Variants in TMEM108 observed in about 807,000 individuals in gnomAD.
The protein encoded by TMEM108 is transmembrane protein 108.
TMEM108 carries 12 observed loss-of-function variants against 35.1 expected under a neutral mutation model. That is an observed-to-expected ratio of 0.34 (90% CI 0.22 to 0.55). TMEM108 has a LOEUF of 0.55. Among genes scored for constraint, TMEM108 ranks in the 20% least tolerant of loss-of-function variants. TMEM108 has a pLI of 0.89. For synonymous variants in TMEM108, 287 were observed against 308.6 expected, an observed-to-expected ratio of 0.93 and a Z score of 0.73; for missense variants, 680 against 753.3, an observed-to-expected ratio of 0.90 and a Z score of 1.14.
intron 3 of TMEM108, chr3:133,378,310 G>C: frequency 1.0e-6 from 1 of 982,580 alleles, no homozygotes; most frequent in Non-Finnish European, 1.2e-6. Flanking sequence ...GGCATGCCTG[G>C]AGATCTCCTC....
chr3:133,378,594 C>T, intron 3 of TMEM108: 1 of 968,042 alleles, frequency 1.0e-6, no homozygotes, highest in Non-Finnish European at 1.2e-6. Context: ...GGCCCTTCCT[C>T]AGCCGTAGAG....
At chr3:133,309,325 T>C (rs2071089800) in intron 3 of TMEM108, among the ~76,000 whole-genome samples, 1 of 152,178 alleles carries the variant, frequency 6.6e-6, no homozygotes, top group African/African-American at 2.4e-5. Flanking sequence ...CCTGGATTCT[T>C]TGATTTTTTG....
intron 2 of TMEM108, among the ~76,000 whole-genome samples, chr3:133,106,816 A>G (rs1222283229): frequency 2.0e-5 from 3 of 152,332 alleles, no homozygotes; most frequent in Non-Finnish European, 4.4e-5. Flanking sequence ...GTCCGAGGCA[A>G]CAACATGACT....
chr3:133,382,315 C>T (rs1278727700), intron 4 of TMEM108, among the ~76,000 whole-genome samples: 3 of 152,214 alleles, frequency 2.0e-5, no homozygotes, highest in Non-Finnish European at 2.9e-5. Flanking sequence ...ACTCTATGGC[C>T]CTAAGCTGTG....
At chr3:133,270,815 A>ACACT (rs1946760402) in intron 3 of TMEM108, among the ~76,000 whole-genome samples, 1 of 150,598 alleles carries the variant, frequency 6.6e-6, no homozygotes, top group Non-Finnish European at 1.5e-5. Context: ...ACACACACAC[A>ACACT]CACACTCACA....
intron 3 of TMEM108, among the ~76,000 whole-genome samples, chr3:133,282,874 C>T (rs1052481890): frequency 6.6e-6 from 1 of 152,112 alleles, no homozygotes; most frequent in African/African-American, 2.4e-5. Flanking sequence ...TACTAAGGAG[C>T]AGTTAAAAAG....
At chr3:133,368,631 TCACACA>T (rs147366132) in intron 3 of TMEM108, among the ~76,000 whole-genome samples, 3 of 150,700 alleles carry the variant, frequency 2.0e-5, no homozygotes, top group Non-Finnish European at 3.0e-5. Context: ...ATACATGCAC[TCACACA>T]CACACACACA....
intron 3 of TMEM108, among the ~76,000 whole-genome samples, chr3:133,248,955 CTGCTACCTT>C (rs2107666455): frequency 6.6e-6 from 1 of 152,272 alleles, no homozygotes; most frequent in South Asian, 2.1e-4. Flanking sequence ...TGATTAAAAG[CTGCTACCTT>C]TGCGTGGTCA....
Position 133,390,346 on chromosome 3 carries a change from G to C in TMEM108, c.1605+12G>C. The C allele has an allele frequency of 1.2e-6, 2 of 1,613,610 alleles. No individual in the cohort carries two copies. The highest frequency in any genetic ancestry group is 1.7e-6 in the Non-Finnish European group (2 of 1,179,918). The stretch of plus-strand genomic sequence containing the variant: ...TTGAAACCTCTGAGGTAATGAGCTT[G>C]AAAGTGCTGGCCCCACTGCAGGGAA... On this transcript the variant is annotated intron_variant, in intron 5 of 5. Transcript: ENST00000321871.
At chr3:133,343,840 A>C (rs1296448623) in intron 3 of TMEM108, among the ~76,000 whole-genome samples, 1 of 151,944 alleles carries the variant, frequency 6.6e-6, no homozygotes, top group Admixed American at 6.6e-5. Flanking sequence ...ATGAAAAAAA[A>C]TCAACTAGAT....
At chr3:133,053,459 C>T (rs578114655) in intron 2 of TMEM108, among the ~76,000 whole-genome samples, 2 of 152,268 alleles carry the variant, frequency 1.3e-5, no homozygotes, top group African/African-American at 4.8e-5. Flanking sequence ...GAGAATTGTT[C>T]TACAATTAGC....
chr3:133,125,985 C>T lies in TMEM108; in HGVS notation c.-47+79965C>T, dbSNP rs73860841. ...ATGTCATTTTTACTTTACAGTTGACCGTATGCTGGCTGACTGACATCAATT... is the reference window on the plus strand; with the variant it reads ...ATGTCATTTTTACTTTACAGTTGACTGTATGCTGGCTGACTGACATCAATT... On this transcript the variant is annotated intron_variant, in intron 2 of 5. Coordinates refer to ENST00000321871, the MANE Select transcript of TMEM108 (RefSeq NM_023943.4). Among the ~76,000 whole-genome samples, 573 of 152,148 alleles carry T rather than the reference C, an allele frequency of 3.8e-3. 3 individuals are homozygous for T. The highest frequency in any genetic ancestry group is 0.013 in the African/African-American group (552 of 41,524).
At chr3:133,304,597 T>C (rs1947275815) in intron 3 of TMEM108, among the ~76,000 whole-genome samples, 1 of 152,172 alleles carries the variant, frequency 6.6e-6, no homozygotes, top group African/African-American at 2.4e-5. Flanking sequence ...AATTATACAT[T>C]CTGTATAGTC....
intron 3 of TMEM108, among the ~76,000 whole-genome samples, chr3:133,302,885 A>C (rs1947249896): frequency 6.6e-6 from 1 of 152,176 alleles, no homozygotes; most frequent in South Asian, 2.1e-4. Flanking sequence ...TAAGAAGAGT[A>C]GTTGAAGCCT....
chr3:133,233,620 C>T (rs1946188928), intron 3 of TMEM108, among the ~76,000 whole-genome samples: 1 of 148,360 alleles, frequency 6.7e-6, no homozygotes, highest in South Asian at 2.2e-4. Context: ...GCCACACTGA[C>T]TTCCACAATG....
chr3:133,140,024 CTGT>C lies in TMEM108; in HGVS notation c.-46-89237_-46-89235del, dbSNP rs567655569. Among the ~76,000 whole-genome samples, 3 of 152,296 alleles carry C rather than the reference CTGT, an allele frequency of 2.0e-5. No homozygotes were observed. The South Asian group carries it at 6.2e-4, about 32-fold the overall frequency. ...TCTGGGGAAGATGTCACAGATTCCA[CTGT>C]TGTTACTAAGATTCAGTAGGTGTTC... On this transcript the variant is annotated intron_variant, in intron 2 of 5. Transcript: ENST00000321871.
chr3:133,332,659 A>G (rs1347570213), intron 3 of TMEM108, among the ~76,000 whole-genome samples: 1 of 152,228 alleles, frequency 6.6e-6, no homozygotes, highest in Non-Finnish European at 1.5e-5. Flanking sequence ...GTATATTTCA[A>G]GACGTTTCTC....
chr3:133,317,806 G>A (rs187813090), intron 3 of TMEM108, among the ~76,000 whole-genome samples: 111 of 152,212 alleles, frequency 7.3e-4, no homozygotes, highest in African/African-American at 2.6e-3. Flanking sequence ...CCTTCCCCTC[G>A]TGGTACTGAT....
intron 2 of TMEM108, among the ~76,000 whole-genome samples, chr3:133,086,263 C>G (rs981801388): frequency 6.6e-6 from 1 of 152,086 alleles, no homozygotes; most frequent in African/African-American, 2.4e-5. Context: ...TGGAGTCCAC[C>G]TTAGTTCCCT....
Sources: gnomAD v4.1 joint callset for allele counts (sites outside exome capture counted in the v4.1 genomes callset) on GRCh38, gnomAD v4.1.1 for gene constraint, MANE v1.5 for transcripts, NCBI Gene and HGNC (gene_info 2026-07-23, HGNC 2026-07-21) for gene names.